Variants in HPSE2 observed in about 807,000 individuals in gnomAD.
The protein encoded by HPSE2 is inactive heparanase-2.
A neutral mutation model predicts 60.5 loss-of-function variants in HPSE2; 38 were observed. The observed-to-expected ratio is 0.63, with a 90% CI of 0.48 to 0.82. HPSE2 has a LOEUF of 0.82. HPSE2 is among the 40% of genes least tolerant of loss of function. The pLI is 0.00. For synonymous variants in HPSE2, 295 were observed against 293.2 expected, an observed-to-expected ratio of 1.01 and a Z score of -0.06; for missense variants, 713 against 740.4, an observed-to-expected ratio of 0.96 and a Z score of 0.43.
chr10:98,694,383 G>A (rs1319716525), intron 5 of HPSE2, among the ~76,000 whole-genome samples: 2 of 152,182 alleles, frequency 1.3e-5, no homozygotes, highest in African/African-American at 4.8e-5. Context: ...GGCTTTCCTA[G>A]AGCGAGCATG....
chr10:99,214,124 A>G (rs891042384), intron 2 of HPSE2, among the ~76,000 whole-genome samples: 3 of 152,222 alleles, frequency 2.0e-5, no homozygotes, highest in Non-Finnish European at 4.4e-5. Flanking sequence ...ATTATTAGCC[A>G]TCGGGGAATA....
At position 98,459,652 on chromosome 10, in the gene HPSE2, C is replaced by A. The variant is rs1045220649; in HGVS notation, c.1701G>T (p.Arg567=). 1.2e-6 allele frequency: 2 copies of A among 1,614,028 alleles called. No individual in the cohort carries two copies. Among genetic ancestry groups the A allele is most frequent in the African/African-American group, 2.7e-5 (2 of 74,924 alleles). ...ELKPRPLRAG[R]TLVIPPVTMG... ...TGGTGACTGGAGGGATGACCAATGT[C>A]CGGCCGGCCCGAAGGGGGCGGGGCT... Residue 567 remains arginine, a synonymous_variant, in exon 12 of 12, where the codon CGG becomes CGT. Transcript: ENST00000370552.
intron 2 of HPSE2, among the ~76,000 whole-genome samples, chr10:99,160,776 G>A (rs1846801286): frequency 6.7e-6 from 1 of 149,892 alleles, no homozygotes; most frequent in Admixed American, 6.6e-5. Flanking sequence ...GCGGGCGCCT[G>A]TAGTCCCAGC....
chr10:98,565,304 T>A (rs1438435138), intron 9 of HPSE2, among the ~76,000 whole-genome samples: 1 of 152,126 alleles, frequency 6.6e-6, no homozygotes, highest in Non-Finnish European at 1.5e-5. Flanking sequence ...TAGCTATTTG[T>A]CCTAATGCTC....
intron 2 of HPSE2, among the ~76,000 whole-genome samples, chr10:99,224,538 T>C (rs1057304355): frequency 2.6e-5 from 4 of 152,016 alleles, no homozygotes; most frequent in African/African-American, 7.2e-5. Context: ...AAATCAAGAT[T>C]CTTAACATCT....
chr10:98,917,352 T>C (rs1307277827), intron 3 of HPSE2, among the ~76,000 whole-genome samples: 2 of 152,220 alleles, frequency 1.3e-5, no homozygotes, highest in African/African-American at 2.4e-5. Flanking sequence ...TGCCATCATC[T>C]AATTTATAAG....
At chr10:98,511,065 T>G (rs1942374021) in intron 9 of HPSE2, among the ~76,000 whole-genome samples, 1 of 152,190 alleles carries the variant, frequency 6.6e-6, no homozygotes, top group South Asian at 2.1e-4. Context: ...AGATAATATA[T>G]CTGGAAACAT....
intron 2 of HPSE2, among the ~76,000 whole-genome samples, chr10:99,149,040 T>C (rs533679954): frequency 2.6e-5 from 4 of 151,440 alleles, no homozygotes; most frequent in Admixed American, 2.0e-4. Flanking sequence ...TAAATATATA[T>C]ATTTATACAA....
At chr10:99,252,896 A>T in the HPSE2 span, among the ~76,000 whole-genome samples, 12 of 127,440 alleles carry the variant, frequency 9.4e-5, no homozygotes, top group East Asian at 2.2e-3. Context: ...AAAAAAAAAA[A>T]TGAAATACCT....
At chr10:98,943,696 A>T (rs796833868) in intron 3 of HPSE2, among the ~76,000 whole-genome samples, 8 of 152,306 alleles carry the variant, frequency 5.3e-5, no homozygotes, top group African/African-American at 1.9e-4. Flanking sequence ...TCATGAGGAC[A>T]TTCAGGAAGC....
chr10:99,013,189 G>A, intron 3 of HPSE2: 1 of 670,284 alleles, frequency 1.5e-6, no homozygotes. Flanking sequence ...ATATGCCACT[G>A]GTGATCTTTA....
chr10:99,260,722 G>C, the HPSE2 span, among the ~76,000 whole-genome samples: 1 of 152,168 alleles, frequency 6.6e-6, no homozygotes, highest in Admixed American at 6.5e-5. Flanking sequence ...TTGGTGGCAA[G>C]TCAACTTTGG....
chr10:98,490,028 C>T, intron 10 of HPSE2, 23 bp downstream of exon 10: 1 of 1,614,014 alleles, frequency 6.2e-7, no homozygotes, highest in South Asian at 1.1e-5. Flanking sequence ...GGTGGCCTTT[C>T]TGCCATCTTT....
intron 3 of HPSE2, among the ~76,000 whole-genome samples, chr10:98,903,463 A>G (rs1205350309): frequency 6.6e-6 from 1 of 152,076 alleles, no homozygotes; most frequent in Non-Finnish European, 1.5e-5. Flanking sequence ...TAAAAAAATA[A>G]AGGCAAAAAA....
At chr10:99,109,468 T>A (rs1048019067) in intron 3 of HPSE2, among the ~76,000 whole-genome samples, 1 of 152,140 alleles carries the variant, frequency 6.6e-6, no homozygotes, top group Non-Finnish European at 1.5e-5. Flanking sequence ...AAAAGAGTCA[T>A]TCCCAACTAG....
chr10:99,261,908 C>T, the HPSE2 span, among the ~76,000 whole-genome samples: 5 of 152,180 alleles, frequency 3.3e-5, no homozygotes, highest in South Asian at 2.1e-4. Context: ...GCACAAAGCC[C>T]GGGATTTCTC....
At chr10:99,155,235 G>A (rs1443565488) in intron 2 of HPSE2, among the ~76,000 whole-genome samples, 2 of 143,724 alleles carry the variant, frequency 1.4e-5, no homozygotes, top group African/African-American at 2.6e-5. Context: ...ATTGAACTCA[G>A]CTCTGCACCA....
At chr10:99,308,454 C>T in the HPSE2 span, among the ~76,000 whole-genome samples, 1 of 145,028 alleles carries the variant, frequency 6.9e-6, no homozygotes, top group African/African-American at 2.6e-5. Flanking sequence ...CATATCCATA[C>T]AATGGAATAT....
chr10:98,933,723 TTTTC>T (rs1954707370), intron 3 of HPSE2, among the ~76,000 whole-genome samples: 1 of 141,180 alleles, frequency 7.1e-6, no homozygotes, highest in Non-Finnish European at 1.5e-5. Flanking sequence ...TTCATTGCCT[TTTTC>T]TTTTTCTTTT....
Sources: allele counts gnomAD v4.1 joint callset (sites outside exome capture counted in the v4.1 genomes callset), GRCh38; gene constraint gnomAD v4.1.1; transcripts MANE v1.5; gene names NCBI Gene and HGNC (gene_info 2026-07-23, HGNC 2026-07-21).